CDH13: variants seen among roughly 807,000 people sequenced by gnomAD.
The protein encoded by CDH13 is cadherin 13, also known as cadherin-13.
CDH13 carries 24 observed loss-of-function variants against 63.8 expected under a neutral mutation model. That is an observed-to-expected ratio of 0.38 (90% CI 0.27 to 0.53). The LOEUF (loss-of-function observed/expected upper bound fraction) is 0.53. Ranked by LOEUF, CDH13 falls within the 20% of genes least tolerant of loss-of-function variation. The probability of loss-of-function intolerance (pLI) is 0.85; values close to 1 mark genes in which losing one functional copy is unlikely to be tolerated. For synonymous variants in CDH13, 503 were observed against 355.3 expected (o/e 1.42, Z -4.67); for missense variants, 1,049 against 903.1 (o/e 1.16, Z -2.07).
At chr16:83,730,478 A>T (rs753737207) in intron 10 of CDH13, among the ~76,000 whole-genome samples, 5 of 152,234 alleles carry the variant, frequency 3.3e-5, no homozygotes, top group Admixed American at 6.5e-5. Flanking sequence ...TTAGGAACTG[A>T]CAAACTTGGA....
intron 6 of CDH13, among the ~76,000 whole-genome samples, chr16:83,461,366 C>T (rs976678285): frequency 6.6e-6 from 1 of 152,036 alleles, no homozygotes; most frequent in Non-Finnish European, 1.5e-5. Context: ...CTGGCTCATC[C>T]AGAGCAGGTG....
At chr16:83,024,443 C>G (rs1223120116) in intron 2 of CDH13, among the ~76,000 whole-genome samples, 1 of 152,020 alleles carries the variant, frequency 6.6e-6, no homozygotes, top group African/African-American at 2.4e-5. Flanking sequence ...AGCTGAATGA[C>G]TAAAGGAAAG....
At chr16:83,648,732 C>T (rs1402574146) in intron 8 of CDH13, among the ~76,000 whole-genome samples, 1 of 152,134 alleles carries the variant, frequency 6.6e-6, no homozygotes, top group Admixed American at 6.5e-5. Flanking sequence ...GAGTCAGTAT[C>T]ATTCTATCTT....
At chr16:83,206,688 C>G (rs1280806364) in intron 4 of CDH13, among the ~76,000 whole-genome samples, 4 of 152,192 alleles carry the variant, frequency 2.6e-5, no homozygotes, top group African/African-American at 9.6e-5. Context: ...AGAGAGATGG[C>G]TCTTAAACCA....
intron 8 of CDH13, among the ~76,000 whole-genome samples, chr16:83,656,359 G>T (rs748088413): frequency 6.6e-6 from 1 of 152,120 alleles, no homozygotes; most frequent in Non-Finnish European, 1.5e-5. Context: ...AGGTGGAAAG[G>T]CCTCTGTTTC....
chr16:83,010,683 G>T, intron 2 of CDH13, among the ~76,000 whole-genome samples: 1 of 152,108 alleles, frequency 6.6e-6, no homozygotes, highest in East Asian at 1.9e-4. Context: ...AGTCCCTAAT[G>T]GTTGTTACCC....
chr16:83,166,730 G>T (rs533795217), intron 4 of CDH13, among the ~76,000 whole-genome samples: 2 of 152,214 alleles, frequency 1.3e-5, no homozygotes, highest in South Asian at 2.1e-4. Context: ...TTTTAACTTT[G>T]TGTTGATAAA....
At chr16:83,334,561 G>A (rs1425976709) in intron 5 of CDH13, among the ~76,000 whole-genome samples, 1 of 150,874 alleles carries the variant, frequency 6.6e-6, no homozygotes, top group Non-Finnish European at 1.5e-5. Context: ...AAAATACAGA[G>A]ATGGCAGTCT....
intron 6 of CDH13, among the ~76,000 whole-genome samples, chr16:83,425,514 C>G (rs2071866375): frequency 6.6e-6 from 1 of 152,234 alleles, no homozygotes; most frequent in Admixed American, 6.5e-5. Flanking sequence ...TATGCTACCG[C>G]ATCTCCACCA....
chr16:83,775,862 G>A (rs1915075100), intron 11 of CDH13, among the ~76,000 whole-genome samples: 2 of 152,154 alleles, frequency 1.3e-5, no homozygotes, highest in Non-Finnish European at 1.5e-5. Context: ...ATGGAAAGAG[G>A]AACAGAGGGG....
At chr16:82,782,883 T>C (rs550436172) in intron 1 of CDH13, among the ~76,000 whole-genome samples, 1 of 152,242 alleles carries the variant, frequency 6.6e-6, no homozygotes, top group South Asian at 2.1e-4. Context: ...TTTATGACTT[T>C]CCAGAGGCTT....
At chr16:83,441,869 C>T (rs991135477) in intron 6 of CDH13, among the ~76,000 whole-genome samples, 2 of 152,058 alleles carry the variant, frequency 1.3e-5, no homozygotes, top group African/African-American at 4.8e-5. Flanking sequence ...AATGTGTATA[C>T]GAGGCTTTGT....
chr16:83,526,996 G>A (rs571812083), intron 7 of CDH13, among the ~76,000 whole-genome samples: 1 of 152,168 alleles, frequency 6.6e-6, no homozygotes, highest in Admixed American at 6.5e-5. Flanking sequence ...GGCAGGCGTG[G>A]TGGTGCGCAC....
intron 7 of CDH13, among the ~76,000 whole-genome samples, chr16:83,489,673 C>G (rs1475430411): frequency 6.6e-6 from 1 of 152,114 alleles, no homozygotes; most frequent in Non-Finnish European, 1.5e-5. Flanking sequence ...TTGTAGGATT[C>G]ACATGGATGC....
intron 6 of CDH13, among the ~76,000 whole-genome samples, chr16:83,361,203 A>G (rs9708471): frequency 0.3 from 45,367 of 151,972 alleles, 6,950 homozygotes; most frequent in Admixed American, 0.33. Context: ...ACAATTTTTC[A>G]TATGTTTTTT....
chr16:83,745,055 G>C (rs1202182568), intron 10 of CDH13, among the ~76,000 whole-genome samples: 1 of 152,206 alleles, frequency 6.6e-6, no homozygotes, highest in African/African-American at 2.4e-5. Flanking sequence ...AAAAGGGGAG[G>C]AATAATATTA....
chr16:83,635,534 C>T lies in CDH13; in HGVS notation c.1101+32940C>T, dbSNP rs55924722. ...AATTTTTGTATTTTTAGTAGAGATG[C>T]GGTTTCACCATGCTGGCCAGGCTGG... is the stretch of plus-strand genomic sequence containing the variant. On this transcript the variant is annotated intron_variant, in intron 8 of 13. Coordinates refer to ENST00000567109, the MANE Select transcript of CDH13 (RefSeq NM_001257.5). Among the ~76,000 whole-genome samples, 635 of 151,408 alleles carry T rather than the reference C, an allele frequency of 4.2e-3. 3 individuals are homozygous for T. The highest frequency in any genetic ancestry group is 0.015 in the African/African-American group (604 of 41,292).
chr16:82,681,325 G>A (rs1401011362), intron 1 of CDH13, among the ~76,000 whole-genome samples: 4 of 152,170 alleles, frequency 2.6e-5, no homozygotes, highest in African/African-American at 9.7e-5. Flanking sequence ...CAGTAGATTC[G>A]TGATTGCCAG....
intron 1 of CDH13, among the ~76,000 whole-genome samples, chr16:82,736,241 G>T (rs2033667056): frequency 1.3e-5 from 2 of 152,112 alleles, no homozygotes; most frequent in Admixed American, 6.6e-5. Flanking sequence ...TGGGCACCTG[G>T]GTGGGTGGAT....
Sources: allele counts gnomAD v4.1 joint callset (sites outside exome capture counted in the v4.1 genomes callset), GRCh38; gene constraint gnomAD v4.1.1; transcripts MANE v1.5; gene names NCBI Gene and HGNC (gene_info 2026-07-23, HGNC 2026-07-21).